FGF2: variants seen among roughly 807,000 people sequenced by gnomAD.
FGF2 encodes the protein basic fibroblast growth factor bFGF.
In FGF2, 13 loss-of-function variants were observed where a neutral mutation model predicts 15.9. That is an observed-to-expected ratio of 0.82 (90% CI 0.53 to 1.30). The LOEUF (loss-of-function observed/expected upper bound fraction) is 1.30. Ranked by LOEUF, FGF2 falls within the 50% of genes most tolerant of loss-of-function variation. The probability of loss-of-function intolerance (pLI) is 0.00; values close to 1 mark genes in which losing one functional copy is unlikely to be tolerated. For missense variants in FGF2, 163 were observed against 196.9 expected (o/e 0.83, Z 1.03); for synonymous variants, 90 against 78.4 (o/e 1.15, Z -0.78).
intron 1 of FGF2, among the ~76,000 whole-genome samples, chr4:122,829,958 T>C (rs1021434105): frequency 2.6e-5 from 4 of 152,178 alleles, no homozygotes; most frequent in East Asian, 1.9e-4. Context: ...GAAGAGTTAA[T>C]AGTAGCCACA....
chr4:122,850,290 G>A (rs967816438), intron 1 of FGF2, among the ~76,000 whole-genome samples: 3 of 151,838 alleles, frequency 2.0e-5, no homozygotes, highest in Non-Finnish European at 4.4e-5. Context: ...AAAAGATACA[G>A]TAAAAGTTGT....
intron 1 of FGF2, among the ~76,000 whole-genome samples, chr4:122,853,067 G>A (rs1726268995): frequency 6.6e-6 from 1 of 152,202 alleles, no homozygotes; most frequent in South Asian, 2.1e-4. Context: ...GGAGGCAGAA[G>A]CAGGTGGATT....
Position 122,826,895 on chromosome 4 carries a change from G to T in FGF2, c.-280G>T. The stretch of plus-strand genomic sequence containing the variant: ...TCCCGGGCGCTGCAGCTTGGGAGGC[G>T]GCTCTCCCCAGGCGGCGTCCGCGGA... On this transcript the variant is annotated 5_prime_UTR_variant, in exon 1 of 3. Coordinates refer to ENST00000644866, the MANE Select transcript of FGF2 (RefSeq NM_001361665.2). 6.6e-7 allele frequency: 1 copy of T among 1,521,876 alleles called. No homozygotes were observed. Among genetic ancestry groups the T allele is most frequent in the East Asian group, 2.7e-5 (1 of 37,110 alleles). The allele number at this position is 1,521,876 out of a possible 1,614,324, so 94.3% of individuals were successfully genotyped here.
intron 2 of FGF2, among the ~76,000 whole-genome samples, chr4:122,891,026 TTTTTTTTTTGTTTTG>T (rs1727165818): frequency 2.4e-5 from 3 of 123,652 alleles, no homozygotes; most frequent in African/African-American, 8.8e-5. Flanking sequence ...TTTATCTTTT[TTTTTTTTTTGTTTTG>T]TTTTGTTTTG....
At chr4:122,849,608 A>C (rs1259257711) in intron 1 of FGF2, among the ~76,000 whole-genome samples, 1 of 152,216 alleles carries the variant, frequency 6.6e-6, no homozygotes, top group Non-Finnish European at 1.5e-5. Context: ...AATAAAAAAA[A>C]AAAGACAAAT....
At chr4:122,841,423 C>T (rs1298240734) in intron 1 of FGF2, among the ~76,000 whole-genome samples, 1 of 152,212 alleles carries the variant, frequency 6.6e-6, no homozygotes, top group Non-Finnish European at 1.5e-5. Flanking sequence ...ATACTAATTT[C>T]CTGACACTTG....
chr4:122,864,449 A>T (rs1189199927), intron 1 of FGF2, among the ~76,000 whole-genome samples: 1 of 152,242 alleles, frequency 6.6e-6, no homozygotes, highest in Non-Finnish European at 1.5e-5. Flanking sequence ...CAGGTATGGT[A>T]TAAAATTACT....
intron 1 of FGF2, among the ~76,000 whole-genome samples, chr4:122,858,537 A>C (rs1385303761): frequency 2.6e-5 from 4 of 152,076 alleles, no homozygotes; most frequent in African/African-American, 4.8e-5. Flanking sequence ...AGCTGGGACT[A>C]CAGGTGCATG....
chr4:122,832,324 T>G (rs1446447562), intron 1 of FGF2, among the ~76,000 whole-genome samples: 2 of 152,204 alleles, frequency 1.3e-5, no homozygotes, highest in African/African-American at 4.8e-5. Context: ...TGGCACAATC[T>G]CAGCTCACTA....
At chr4:122,862,360 C>T (rs1578466922) in intron 1 of FGF2, among the ~76,000 whole-genome samples, 1 of 152,270 alleles carries the variant, frequency 6.6e-6, no homozygotes, top group Middle Eastern at 3.4e-3. Flanking sequence ...TAAGATTCAT[C>T]ATCCTGGGGC....
chr4:122,856,188 G>A (rs1726337975), intron 1 of FGF2, among the ~76,000 whole-genome samples: 1 of 152,078 alleles, frequency 6.6e-6, no homozygotes, highest in Non-Finnish European at 1.5e-5. Context: ...CCTCTCATCA[G>A]ATTTTTATAT....
intron 1 of FGF2, among the ~76,000 whole-genome samples, chr4:122,846,930 G>T (rs113475099): frequency 2.0e-5 from 3 of 152,308 alleles, no homozygotes; most frequent in African/African-American, 4.8e-5. Context: ...TCACACGATG[G>T]ATGCACGGGT....
In FGF2 at chr4:122,827,495, G is replaced by A. The variant is rs917296146; in HGVS notation, c.178+143G>A. The stretch of plus-strand genomic sequence containing the variant: ...GTTTCTGGCCGCGCGGCCCTCGGCG[G>A]TTTCGGGTTCACCACTCACCCCCTC... On this transcript the variant is annotated intron_variant, in intron 1 of 2. Coordinates refer to ENST00000644866, the MANE Select transcript of FGF2 (RefSeq NM_001361665.2). The surrounding 1 kb of genome is among the most constrained non-coding windows in gnomAD (Gnocchi z 4.2). 1.0e-5 allele frequency: 10 copies of A among 967,820 alleles called. No homozygotes were observed. In the African/African-American group the frequency reaches 1.6e-4, roughly 16 times the overall value. 60.0% of individuals were successfully genotyped at this position (967,820 alleles called of 1,614,324 possible). A position where few individuals can be genotyped will look rare whatever the true frequency, so the allele number is the denominator to read the frequency against.
rs970848797 is a variant in FGF2 at position 122,847,316 on chromosome 4, G to A, written c.178+19964G>A. ...ACTTGGGAGAGACAGGAAAGGCCTG[G>A]ATCAGAACACAGAGGACTAGATTAA... On this transcript the variant is annotated intron_variant, in intron 1 of 2. Transcript: ENST00000644866. Among the ~76,000 whole-genome samples, 13 of 152,196 alleles carry A rather than the reference G, an allele frequency of 8.5e-5. No homozygotes were observed. In the East Asian group the frequency reaches 2.5e-3, roughly 29 times the overall value.
At chr4:122,879,541 T>C (rs1726920556) in intron 2 of FGF2, among the ~76,000 whole-genome samples, 1 of 152,230 alleles carries the variant, frequency 6.6e-6, no homozygotes, top group African/African-American at 2.4e-5. Context: ...TTGAGATTAG[T>C]TGTTACCCTG....
chr4:122,876,917 A>G (rs766326232), intron 2 of FGF2, among the ~76,000 whole-genome samples: 1 of 152,166 alleles, frequency 6.6e-6, no homozygotes, highest in Non-Finnish European at 1.5e-5. Flanking sequence ...TTCTTGGGCA[A>G]ATGATTCTGA....
chr4:122,844,003 C>G lies in FGF2; in HGVS notation c.178+16651C>G, dbSNP rs146486272. Among the ~76,000 whole-genome samples, 3 of 152,226 alleles carry G rather than the reference C, an allele frequency of 2.0e-5. No individual in the cohort carries two copies. In the East Asian group the frequency reaches 5.8e-4, roughly 29 times the overall value. ...TAAAATAAGACAACAGTGAAATTTG[C>G]GGCATCAGTTGACTTATCCTATCAC... On this transcript the variant is annotated intron_variant, in intron 1 of 2. Transcript: ENST00000644866.
At chr4:122,848,136 G>GAC (rs1419575590) in intron 1 of FGF2, among the ~76,000 whole-genome samples, 1 of 152,188 alleles carries the variant, frequency 6.6e-6, no homozygotes, top group Non-Finnish European at 1.5e-5. Context: ...ATGCCCCAAG[G>GAC]ACACGGGTCA....
chr4:122,835,109 A>G (rs1441953588), intron 1 of FGF2, among the ~76,000 whole-genome samples: 1 of 152,074 alleles, frequency 6.6e-6, no homozygotes, highest in Non-Finnish European at 1.5e-5. Flanking sequence ...TTGCATAGCA[A>G]TCCTCACCCT....
Sources: allele counts gnomAD v4.1 joint callset (sites outside exome capture counted in the v4.1 genomes callset), GRCh38; gene constraint gnomAD v4.1.1; non-coding constraint Gnocchi (gnomAD v3.1); transcripts MANE v1.5; gene names NCBI Gene and HGNC (gene_info 2026-07-23, HGNC 2026-07-21).